Variants in SLC24A2 observed in about 807,000 individuals in gnomAD.
SLC24A2 encodes the protein solute carrier family 24 member 2.
A neutral mutation model predicts 62.0 loss-of-function variants in SLC24A2; 36 were observed. The ratio of observed to expected loss-of-function variants is 0.58; its 90% CI spans 0.44 to 0.77. The LOEUF (loss-of-function observed/expected upper bound fraction) is 0.77. Among genes scored for constraint, SLC24A2 ranks in the 30% least tolerant of loss-of-function variants. SLC24A2 has a pLI of 0.00. For synonymous variants in SLC24A2, 358 were observed against 294.0 expected, an observed-to-expected ratio of 1.22 and a Z score of -2.23; for missense variants, 846 against 817.9, an observed-to-expected ratio of 1.03 and a Z score of -0.42.
chr9:19,546,874 G>A (rs770660496), intron 8 of SLC24A2, among the ~76,000 whole-genome samples: 1 of 152,202 alleles, frequency 6.6e-6, no homozygotes, highest in East Asian at 1.9e-4. Context: ...AAAGCACAGT[G>A]TCTGGGCCAG....
the SLC24A2 span, among the ~76,000 whole-genome samples, chr9:20,012,440 T>C: frequency 6.6e-6 from 1 of 152,132 alleles, no homozygotes; most frequent in Non-Finnish European, 1.5e-5. Flanking sequence ...TCCCGCAACA[T>C]GTGGGAATTC....
intron 2 of SLC24A2, among the ~76,000 whole-genome samples, chr9:19,694,970 A>T (rs1022966359): frequency 6.6e-6 from 1 of 151,862 alleles, no homozygotes; most frequent in Admixed American, 6.6e-5. Flanking sequence ...GCTGGGGAGA[A>T]GCAAATGACC....
Position 19,595,126 on chromosome 9 carries a change from A to C in SLC24A2, c.1129+2103T>G, listed in dbSNP as rs567558132. 1.2e-4 allele frequency among the ~76,000 whole-genome samples: 18 copies of C among 152,324 alleles called. No homozygotes were observed. The South Asian group carries it at 3.1e-3, about 26-fold the overall frequency. On this transcript the variant is annotated intron_variant, in intron 5 of 10. Coordinates refer to ENST00000341998, the MANE Select transcript of SLC24A2 (RefSeq NM_020344.4). Reference sequence around the variant, plus strand: ...GGTTCCATATCAGAAAGTCTGGGAAACACTGTCTACTCCATCCCTCTTTAC... The same window carrying C: ...GGTTCCATATCAGAAAGTCTGGGAACCACTGTCTACTCCATCCCTCTTTAC...
intron 2 of SLC24A2, among the ~76,000 whole-genome samples, chr9:19,653,936 A>C (rs1818870724): frequency 6.6e-6 from 1 of 152,186 alleles, no homozygotes; most frequent in South Asian, 2.1e-4. Context: ...TGCCTTATTA[A>C]GGCAAAATTT....
the SLC24A2 span, among the ~76,000 whole-genome samples, chr9:20,075,601 G>A: frequency 2.6e-5 from 4 of 152,082 alleles, no homozygotes; most frequent in Non-Finnish European, 4.4e-5. Context: ...GAGATCAGAT[G>A]GCTTGTAGGT....
intron 2 of SLC24A2, among the ~76,000 whole-genome samples, chr9:19,631,709 A>C (rs147540432): frequency 7.2e-5 from 11 of 152,276 alleles, no homozygotes; most frequent in Non-Finnish European, 1.3e-4. Flanking sequence ...TGAGGCACAA[A>C]AGAATTGAGG....
At chr9:19,829,182 T>C in the SLC24A2 span, among the ~76,000 whole-genome samples, 1 of 152,208 alleles carries the variant, frequency 6.6e-6, no homozygotes, top group Non-Finnish European at 1.5e-5. Flanking sequence ...TGCATAGCTC[T>C]TGTTTCTCTG....
intron 2 of SLC24A2, among the ~76,000 whole-genome samples, chr9:19,696,374 A>T (rs1374694169): frequency 6.6e-6 from 1 of 152,178 alleles, no homozygotes; most frequent in African/African-American, 2.4e-5. Flanking sequence ...TCCAGACTCA[A>T]CATGGGAAAA....
At chr9:20,293,710 T>G in the SLC24A2 span, among the ~76,000 whole-genome samples, 1 of 152,198 alleles carries the variant, frequency 6.6e-6, no homozygotes, top group South Asian at 2.1e-4. Context: ...ACACTCACTA[T>G]GAAACTCCAG....
chr9:20,082,249 T>G, the SLC24A2 span, among the ~76,000 whole-genome samples: 1 of 152,182 alleles, frequency 6.6e-6, no homozygotes, highest in South Asian at 2.1e-4. Flanking sequence ...CTACCGTATT[T>G]TTTTGGGATA....
chr9:19,692,767 C>A (rs1820079755), intron 2 of SLC24A2, among the ~76,000 whole-genome samples: 1 of 152,122 alleles, frequency 6.6e-6, no homozygotes, highest in South Asian at 2.1e-4. Context: ...TTATATTAGT[C>A]ATGTAGTCTC....
At chr9:20,206,618 T>C in the SLC24A2 span, among the ~76,000 whole-genome samples, 8 of 152,038 alleles carry the variant, frequency 5.3e-5, no homozygotes, top group Admixed American at 3.3e-4. Flanking sequence ...GACTCCTGAG[T>C]AGCTGGGATT....
intron 2 of SLC24A2, among the ~76,000 whole-genome samples, chr9:19,749,969 A>G (rs1821936716): frequency 6.6e-6 from 1 of 152,202 alleles, no homozygotes; most frequent in Non-Finnish European, 1.5e-5. Context: ...AGAGGAATAT[A>G]CCAAGTTGGA....
At chr9:19,878,651 G>T in the SLC24A2 span, among the ~76,000 whole-genome samples, 1 of 151,860 alleles carries the variant, frequency 6.6e-6, no homozygotes, top group Non-Finnish European at 1.5e-5. Flanking sequence ...AAAGTGTGTG[G>T]CACCTCCTCC....
At chr9:19,628,037 A>G (rs1018194932) in intron 2 of SLC24A2, among the ~76,000 whole-genome samples, 2 of 152,220 alleles carry the variant, frequency 1.3e-5, no homozygotes, top group Non-Finnish European at 2.9e-5. Context: ...TTGACAAGCT[A>G]TATGGAATGT....
intron 2 of SLC24A2, among the ~76,000 whole-genome samples, chr9:19,718,398 T>C (rs945246138): frequency 4.9e-5 from 7 of 142,292 alleles, no homozygotes; most frequent in Non-Finnish European, 1.1e-4. Context: ...GCTCCAGCCA[T>C]TGTCCCACCT....
At chr9:19,870,644 A>G in the SLC24A2 span, among the ~76,000 whole-genome samples, 3 of 152,126 alleles carry the variant, frequency 2.0e-5, no homozygotes, top group East Asian at 1.9e-4. Flanking sequence ...TGTGGATTCT[A>G]GTTTCTAAAC....
intron 2 of SLC24A2, among the ~76,000 whole-genome samples, chr9:19,748,826 C>G (rs769867257): frequency 2.6e-5 from 4 of 151,862 alleles, no homozygotes; most frequent in Non-Finnish European, 2.9e-5. Context: ...TACAGTTCAG[C>G]CACAGAGGAG....
intron 2 of SLC24A2, among the ~76,000 whole-genome samples, chr9:19,643,642 G>A (rs930413708): frequency 1.3e-5 from 2 of 152,214 alleles, no homozygotes; most frequent in African/African-American, 4.8e-5. Context: ...AGGCAGACTT[G>A]TCATGTCTGA....
Sources: allele counts gnomAD v4.1 joint callset (sites outside exome capture counted in the v4.1 genomes callset), GRCh38; gene constraint gnomAD v4.1.1; transcripts MANE v1.5; gene names NCBI Gene and HGNC (gene_info 2026-07-23, HGNC 2026-07-21).